RAB31: variants seen among roughly 807,000 people sequenced by gnomAD.
The protein encoded by RAB31 is ras-related protein Rab-31.
A neutral mutation model predicts 25.6 loss-of-function variants in RAB31; 21 were observed. The ratio of observed to expected loss-of-function variants is 0.82; its 90% confidence interval spans 0.58 to 1.18. RAB31 has a LOEUF of 1.18. Ranked by LOEUF, RAB31 falls within the 50% of genes most tolerant of loss-of-function variation. The pLI, the probability that RAB31 is intolerant of heterozygous loss-of-function variation, is 0.00. For missense variants in RAB31, 196 were observed against 250.1 expected (o/e 0.78, Z 1.46); for synonymous variants, 87 against 84.0 (o/e 1.04, Z -0.20).
intron 1 of RAB31, among the ~76,000 whole-genome samples, chr18:9,767,923 T>C (rs1320720156): frequency 6.6e-6 from 1 of 152,006 alleles, no homozygotes; most frequent in Non-Finnish European, 1.5e-5. Flanking sequence ...CATGTGTCCA[T>C]GTGTTCTCAT....
chr18:9,780,978 A>T (rs929400494), intron 2 of RAB31, among the ~76,000 whole-genome samples: 2 of 151,862 alleles, frequency 1.3e-5, no homozygotes, highest in Non-Finnish European at 2.9e-5. Context: ...ATAAATAAAT[A>T]ATGTTATGAT....
At chr18:9,785,492 A>T (rs1319423427) in intron 2 of RAB31, among the ~76,000 whole-genome samples, 2 of 152,336 alleles carry the variant, frequency 1.3e-5, no homozygotes, top group South Asian at 2.1e-4. Context: ...GTTTTCACTT[A>T]CAGTTCCTGG....
At chr18:9,777,472 A>C (rs1394189383) in intron 2 of RAB31, among the ~76,000 whole-genome samples, 1 of 152,256 alleles carries the variant, frequency 6.6e-6, no homozygotes, top group Admixed American at 6.5e-5. Context: ...GCACGTTGTG[A>C]GAGACCATAA....
chr18:9,846,318 C>T (rs2068761798), intron 6 of RAB31, among the ~76,000 whole-genome samples: 1 of 152,184 alleles, frequency 6.6e-6, no homozygotes, highest in African/African-American at 2.4e-5. Context: ...GCTAATGGCT[C>T]TGCCAACACA....
chr18:9,852,316 T>A (rs1390940737), intron 6 of RAB31, among the ~76,000 whole-genome samples: 7 of 152,232 alleles, frequency 4.6e-5, no homozygotes, highest in Non-Finnish European at 8.8e-5. Context: ...GCTGTTATCA[T>A]ATTAATTACT....
intron 1 of RAB31, among the ~76,000 whole-genome samples, chr18:9,715,861 A>AT (rs915875163): frequency 2.0e-5 from 3 of 151,356 alleles, no homozygotes; most frequent in Non-Finnish European, 4.4e-5. Context: ...AATACTAAAC[A>AT]TTTTTTTTTG....
At position 9,855,573 on chromosome 18, in the gene RAB31, A is replaced by G. The variant is rs141506237; in HGVS notation, c.491-3655A>G. 1.1e-3 allele frequency among the ~76,000 whole-genome samples: 166 copies of G among 152,292 alleles called. 1 individual carries two copies. The highest frequency in any genetic ancestry group is 3.8e-3 in the African/African-American group (158 of 41,560). On this transcript the variant is annotated intron_variant, in intron 6 of 6. Coordinates refer to ENST00000578921, the MANE Select transcript of RAB31 (RefSeq NM_006868.4). ...GTGTAAGTGCCTTGAACCTTCCGGT[A>G]AATTCTGAATACCTTAGGCCCTAAG...
chr18:9,785,746 C>T (rs2068428545), intron 2 of RAB31, among the ~76,000 whole-genome samples: 1 of 152,174 alleles, frequency 6.6e-6, no homozygotes. Flanking sequence ...TGTCCAATCA[C>T]ATTTTTACAA....
chr18:9,749,717 T>C (rs976795564), intron 1 of RAB31, among the ~76,000 whole-genome samples: 10 of 152,218 alleles, frequency 6.6e-5, no homozygotes, highest in Non-Finnish European at 1.5e-4. Flanking sequence ...GAATGGCTAC[T>C]AGCTCTTGAT....
intron 5 of RAB31, among the ~76,000 whole-genome samples, chr18:9,838,264 A>C (rs940624238): frequency 6.6e-6 from 1 of 152,140 alleles, no homozygotes; most frequent in African/African-American, 2.4e-5. Flanking sequence ...TGAGCAGTGC[A>C]CTTGGGCTGC....
intron 6 of RAB31, among the ~76,000 whole-genome samples, chr18:9,854,156 G>A (rs2068803828): frequency 6.6e-6 from 1 of 151,958 alleles, no homozygotes; most frequent in Non-Finnish European, 1.5e-5. Flanking sequence ...AGGTCCTGGT[G>A]TGTGATGTTC....
chr18:9,780,175 CAAA>C (rs11338062), intron 2 of RAB31, among the ~76,000 whole-genome samples: 2 of 106,118 alleles, frequency 1.9e-5, no homozygotes, highest in Non-Finnish European at 2.1e-5. Flanking sequence ...AATACTGTTC[CAAA>C]AAAAAAAAAA....
chr18:9,753,228 C>T (rs1475588913), intron 1 of RAB31, among the ~76,000 whole-genome samples: 2 of 152,118 alleles, frequency 1.3e-5, no homozygotes, highest in Non-Finnish European at 2.9e-5. Context: ...AAACTTAATT[C>T]CCAGTATATT....
At chr18:9,780,366 A>G (rs2068396304) in intron 2 of RAB31, among the ~76,000 whole-genome samples, 1 of 152,170 alleles carries the variant, frequency 6.6e-6, no homozygotes, top group Non-Finnish European at 1.5e-5. Flanking sequence ...TGATTATAAA[A>G]GTATTATATA....
chr18:9,733,744 C>T (rs1321403738), intron 1 of RAB31, among the ~76,000 whole-genome samples: 1 of 152,120 alleles, frequency 6.6e-6, no homozygotes, highest in Non-Finnish European at 1.5e-5. Flanking sequence ...AGCCCTTCTG[C>T]AGCCAGCCTC....
intron 1 of RAB31, among the ~76,000 whole-genome samples, chr18:9,742,196 T>G (rs1041423633): frequency 7.9e-5 from 12 of 151,948 alleles, no homozygotes; most frequent in Admixed American, 7.9e-4. Flanking sequence ...AGGCTCTTGG[T>G]GAGGGTTGGG....
chr18:9,792,258 T>G (rs748374876), intron 3 of RAB31, 23 bp downstream of exon 3: 2 of 1,600,074 alleles, frequency 1.2e-6, no homozygotes, highest in South Asian at 2.3e-5. Flanking sequence ...TGTTTTTTGG[T>G]GAAAACAAGA....
At chr18:9,803,793 C>T (rs898576567) in intron 3 of RAB31, among the ~76,000 whole-genome samples, 3 of 152,166 alleles carry the variant, frequency 2.0e-5, no homozygotes, top group Non-Finnish European at 4.4e-5. Flanking sequence ...ATGAGGGGAC[C>T]CTGACGGCAG....
intron 5 of RAB31, among the ~76,000 whole-genome samples, chr18:9,831,477 C>T (rs1568190921): frequency 6.6e-6 from 1 of 152,344 alleles, no homozygotes; most frequent in East Asian, 1.9e-4. Flanking sequence ...GAAACACAGT[C>T]CCTTCTTCAA....
Sources: gnomAD v4.1 joint callset for allele counts (sites outside exome capture counted in the v4.1 genomes callset) on GRCh38, gnomAD v4.1.1 for gene constraint, MANE v1.5 for transcripts, NCBI Gene and HGNC (gene_info 2026-07-23, HGNC 2026-07-21) for gene names.